DPP10: variants seen among roughly 807,000 people sequenced by gnomAD.
DPP10 encodes the protein dipeptidyl peptidase like 10.
DPP10 carries 33 observed loss-of-function variants against 120.9 expected under a neutral mutation model. That is an observed-to-expected ratio of 0.27 (90% CI 0.21 to 0.37). The LOEUF is 0.37. Ranked by LOEUF, DPP10 falls within the 10% of genes least tolerant of loss-of-function variation. The pLI is 1.00. For synonymous variants in DPP10, 337 were observed against 326.1 expected (o/e 1.03, Z -0.36); for missense variants, 816 against 942.8 (o/e 0.87, Z 1.76).
Position 115,573,316 on chromosome 2 carries a change from T to A in DPP10, c.441+47344T>A, listed in dbSNP as rs1178190988. Among the ~76,000 whole-genome samples, 9 of 135,210 alleles carry A rather than the reference T, an allele frequency of 6.7e-5. No homozygotes were observed. In the East Asian group the frequency reaches 2.0e-3, roughly 30 times the overall value. The allele number at this position is 135,210 out of a possible 152,430, so 88.7% of individuals were successfully genotyped here. A position where few individuals can be genotyped will look rare whatever the true frequency, so the allele number is the denominator to read the frequency against. On this transcript the variant is annotated intron_variant, in intron 5 of 25. Transcript: ENST00000410059. ...TTTTTTTTTTGAGAAGGAGTCTTGC[T>A]CTGTCGCCCAGGCTGGAGTGCAGTT... is the stretch of plus-strand genomic sequence containing the variant.
intron 1 of DPP10, among the ~76,000 whole-genome samples, chr2:114,899,629 AT>A (rs1156441193): frequency 2.0e-5 from 3 of 148,152 alleles, no homozygotes; most frequent in African/African-American, 7.5e-5. Context: ...TTCTTTTCTA[AT>A]TTTTTCTTTA....
intron 5 of DPP10, among the ~76,000 whole-genome samples, chr2:115,575,399 A>G (rs2081591765): frequency 6.6e-6 from 1 of 152,152 alleles, no homozygotes. Flanking sequence ...TCCTCTGGAG[A>G]TATTTCACAG....
intron 2 of DPP10, among the ~76,000 whole-genome samples, chr2:115,309,935 G>A (rs896134212): frequency 1.3e-5 from 2 of 152,094 alleles, no homozygotes; most frequent in African/African-American, 2.4e-5. Context: ...TCAGATTAAA[G>A]AGTTTAATAC....
chr2:115,554,246 A>T (rs1424735239), intron 5 of DPP10, among the ~76,000 whole-genome samples: 1 of 151,852 alleles, frequency 6.6e-6, no homozygotes, highest in Admixed American at 6.6e-5. Context: ...TGCAAATCAC[A>T]GATGTGTCCT....
chr2:114,702,931 G>A (rs539670616), intron 1 of DPP10, among the ~76,000 whole-genome samples: 1 of 152,166 alleles, frequency 6.6e-6, no homozygotes, highest in Non-Finnish European at 1.5e-5. Context: ...CACTTTCTTT[G>A]TACCTTGAAC....
intron 1 of DPP10, among the ~76,000 whole-genome samples, chr2:114,933,782 C>G (rs1038974272): frequency 1.3e-5 from 2 of 152,244 alleles, no homozygotes; most frequent in Non-Finnish European, 2.9e-5. Context: ...CAAAGGTTGT[C>G]GGGCCCTACC....
chr2:115,617,562 T>G (rs2084618068), intron 5 of DPP10, among the ~76,000 whole-genome samples: 1 of 151,558 alleles, frequency 6.6e-6, no homozygotes, highest in African/African-American at 2.4e-5. Flanking sequence ...TTTCTATGTT[T>G]AGATATGTTT....
In DPP10 at chr2:115,789,487, A is replaced by G. The variant is rs186982195; in HGVS notation, c.1532-1594A>G. 1.0e-3 allele frequency among the ~76,000 whole-genome samples: 159 copies of G among 152,362 alleles called. 3 individuals are homozygous for G. In the East Asian group the frequency reaches 0.024, roughly 23 times the overall value. On this transcript the variant is annotated intron_variant, in intron 17 of 25. Transcript: ENST00000410059. ...AAGAAATTCCTGAACTTCATGAATG[A>G]TATCTGTAAAAATACTACAGCTGAC...
At chr2:114,859,355 T>G in intron 1 of DPP10, among the ~76,000 whole-genome samples, 1 of 99,696 alleles carries the variant, frequency 1.0e-5, no homozygotes, top group African/African-American at 3.7e-5. Flanking sequence ...GCAACAAGAG[T>G]GAAACTCCGT....
intron 1 of DPP10, among the ~76,000 whole-genome samples, chr2:115,045,957 G>C (rs1481174353): frequency 6.6e-6 from 1 of 152,024 alleles, no homozygotes. Context: ...TCTCAAACTT[G>C]TGTTTGCATA....
intron 4 of DPP10, among the ~76,000 whole-genome samples, chr2:115,525,461 C>A (rs1471215500): frequency 1.3e-5 from 2 of 151,926 alleles, no homozygotes; most frequent in African/African-American, 2.4e-5. Flanking sequence ...ATGTTAGTAT[C>A]TTTTTAAATA....
intron 1 of DPP10, among the ~76,000 whole-genome samples, chr2:114,855,311 G>A (rs1689285523): frequency 6.6e-6 from 1 of 152,094 alleles, no homozygotes; most frequent in Non-Finnish European, 1.5e-5. Context: ...AAATTAAAAT[G>A]TGCTTTTTTA....
intron 1 of DPP10, among the ~76,000 whole-genome samples, chr2:115,185,886 T>C (rs1216791657): frequency 1.3e-5 from 2 of 152,226 alleles, no homozygotes; most frequent in Non-Finnish European, 2.9e-5. Flanking sequence ...TGTGTTGTGC[T>C]AGAGTTCTCC....
At chr2:115,458,065 A>G (rs887846748) in intron 3 of DPP10, among the ~76,000 whole-genome samples, 2 of 152,076 alleles carry the variant, frequency 1.3e-5, no homozygotes, top group East Asian at 1.9e-4. Context: ...TGCGTATTGT[A>G]TGATTCCATT....
chr2:114,825,948 T>A (rs527333227), intron 1 of DPP10, among the ~76,000 whole-genome samples: 1 of 152,178 alleles, frequency 6.6e-6, no homozygotes, highest in Non-Finnish European at 1.5e-5. Flanking sequence ...AAAGCTGTTT[T>A]CAGCTTCAAA....
rs143015358 is a variant in DPP10, at chr2:115,208,996, G to T, written c.61-100243G>T. Among the ~76,000 whole-genome samples, 1,077 of 152,286 alleles carry T rather than the reference G, an allele frequency of 7.1e-3. 17 individuals are homozygous for T. Among genetic ancestry groups the T allele is most frequent in the African/African-American group, 0.025 (1,031 of 41,566 alleles). The stretch of plus-strand genomic sequence containing the variant: ...TGTGTAGACAACAGATGAGTTCTCA[G>T]ATCAGAAAGTAAGTAAACTGGCATG... On this transcript the variant is annotated intron_variant, in intron 1 of 25. Transcript: ENST00000410059.
intron 1 of DPP10, among the ~76,000 whole-genome samples, chr2:114,535,765 T>A (rs2104768302): frequency 6.6e-6 from 1 of 152,256 alleles, no homozygotes; most frequent in Non-Finnish European, 1.5e-5. Flanking sequence ...CTTTTTTAAC[T>A]CCCAAATGAA....
chr2:114,839,152 T>A (rs1198483233), intron 1 of DPP10, among the ~76,000 whole-genome samples: 1 of 152,228 alleles, frequency 6.6e-6, no homozygotes, highest in African/African-American at 2.4e-5. Context: ...TAGCAATTAT[T>A]TCTTGGATGG....
chr2:115,138,602 ACT>A (rs921739932), intron 1 of DPP10, among the ~76,000 whole-genome samples: 1 of 152,188 alleles, frequency 6.6e-6, no homozygotes, highest in Non-Finnish European at 1.5e-5. Flanking sequence ...AAAGAAAATA[ACT>A]CTTATGAGTG....
Sources: allele counts gnomAD v4.1 joint callset (sites outside exome capture counted in the v4.1 genomes callset), GRCh38; gene constraint gnomAD v4.1.1; transcripts MANE v1.5; gene names NCBI Gene and HGNC (gene_info 2026-07-23, HGNC 2026-07-21).